Variants in C5 observed in about 807,000 individuals in gnomAD.
C5 encodes complement C5, also known as C3 and PZP-like alpha-2-macroglobulin domain-containing protein 4.
In C5, 140 loss-of-function variants were observed where a neutral mutation model predicts 218.8. The ratio of observed to expected loss-of-function variants is 0.64; its 90% CI spans 0.56 to 0.74. C5 has a LOEUF of 0.74. C5 is among the 30% of genes least tolerant of loss of function. The probability of loss-of-function intolerance (pLI) is 0.00; values close to 1 mark genes in which losing one functional copy is unlikely to be tolerated. For missense variants in C5, 1,700 were observed against 1,969.6 expected (o/e 0.86, Z 2.59); for synonymous variants, 614 against 682.3 (o/e 0.90, Z 1.56).
chr9:120,972,063 A>C (rs2046918916), intron 30 of C5, 71 bp from the exon 31 acceptor site: 1 of 1,317,280 alleles, frequency 7.6e-7, no homozygotes, highest in African/African-American at 1.4e-5. Flanking sequence ...TAGAGCTATG[A>C]AAAGTGGGTT....
At chr9:121,000,413 A>T (rs2047151714) in intron 20 of C5, among the ~76,000 whole-genome samples, 2 of 152,230 alleles carry the variant, frequency 1.3e-5, no homozygotes, top group Non-Finnish European at 2.9e-5. Flanking sequence ...CAATATAACC[A>T]CAAATCTATG....
chr9:121,027,991 T>C (rs1400252903), intron 7 of C5, among the ~76,000 whole-genome samples: 1 of 151,906 alleles, frequency 6.6e-6, no homozygotes, highest in African/African-American at 2.4e-5. Flanking sequence ...TTAAACAAAT[T>C]TACAAGAAAA....
At chr9:121,034,554 G>A (rs946494475) in intron 5 of C5, among the ~76,000 whole-genome samples, 6 of 151,908 alleles carry the variant, frequency 3.9e-5, no homozygotes, top group Admixed American at 1.3e-4. Flanking sequence ...TGTTTTTTAT[G>A]ACAAAAAAAC....
rs970689349 is a variant in C5, at chr9:120,963,960, C to T, written c.4221-222G>A. 4.0e-4 allele frequency among the ~76,000 whole-genome samples: 61 copies of T among 152,182 alleles called. 2 individuals carry two copies. The highest frequency in any genetic ancestry group is 4.0e-3 in the Admixed American group (61 of 15,278). The stretch of plus-strand genomic sequence containing the variant: ...TCAATAATCTCAACAGACCACTCTA[C>T]TGGAACACAGAAGTCATCCACACCA... On this transcript the variant is annotated intron_variant, in intron 33 of 40. Transcript: ENST00000223642.
the C5 span, among the ~76,000 whole-genome samples, chr9:121,061,857 G>C: frequency 2.0e-5 from 3 of 152,242 alleles, no homozygotes; most frequent in East Asian, 3.9e-4. Flanking sequence ...TTTACTTTTT[G>C]ATATGTGTAT....
chr9:121,065,453 A>C, the C5 span, among the ~76,000 whole-genome samples: 24 of 151,456 alleles, frequency 1.6e-4, no homozygotes, highest in Admixed American at 4.6e-4. Flanking sequence ...TCTATACAGC[A>C]TTACTTTTTT....
At chr9:120,990,714 C>A (rs527606728) in intron 23 of C5, among the ~76,000 whole-genome samples, 41 of 152,282 alleles carry the variant, frequency 2.7e-4, no homozygotes, top group Middle Eastern at 3.4e-3. Context: ...GCCTCCAGAA[C>A]TGTGAGAAAT....
At chr9:120,991,623 A>T (rs1424827716) in intron 22 of C5, among the ~76,000 whole-genome samples, 1 of 152,222 alleles carries the variant, frequency 6.6e-6, no homozygotes, top group Non-Finnish European at 1.5e-5. Flanking sequence ...AATAACTAAC[A>T]TGTAATTTCT....
intron 25 of C5, among the ~76,000 whole-genome samples, chr9:120,984,544 C>T (rs2047018744): frequency 6.6e-6 from 1 of 151,992 alleles, no homozygotes; most frequent in Non-Finnish European, 1.5e-5. Flanking sequence ...CTCCACTTAT[C>T]TATACATCTG....
At chr9:120,987,775 A>G (rs2047044648) in intron 25 of C5, among the ~76,000 whole-genome samples, 1 of 151,960 alleles carries the variant, frequency 6.6e-6, no homozygotes, top group Admixed American at 6.6e-5. Context: ...TTGTCATAGC[A>G]TGATGGTTTT....
At chr9:121,061,792 C>A in the C5 span, among the ~76,000 whole-genome samples, 1 of 152,146 alleles carries the variant, frequency 6.6e-6, no homozygotes, top group Non-Finnish European at 1.5e-5. Context: ...TATATATATT[C>A]CATTCTTCCC....
At chr9:120,983,375 T>A (rs2047009679) in intron 25 of C5, among the ~76,000 whole-genome samples, 1 of 152,086 alleles carries the variant, frequency 6.6e-6, no homozygotes, top group South Asian at 2.1e-4. Flanking sequence ...CTAATACCCA[T>A]CGAAGAGTAT....
chr9:121,031,883 G>A (rs1322961323), intron 6 of C5, among the ~76,000 whole-genome samples: 2 of 152,056 alleles, frequency 1.3e-5, no homozygotes, highest in East Asian at 3.9e-4. Flanking sequence ...GGCCAAGATG[G>A]TGACACCCTG....
intron 7 of C5, among the ~76,000 whole-genome samples, chr9:121,029,816 T>C (rs1248067023): frequency 6.6e-6 from 1 of 152,208 alleles, no homozygotes; most frequent in African/African-American, 2.4e-5. Context: ...TTGCTGCTGC[T>C]ACAAGCTAGC....
At position 120,983,876 on chromosome 9, in the gene C5, C is replaced by T. The variant is rs538718171; in HGVS notation, c.3231-1062G>A. On this transcript the variant is annotated intron_variant, in intron 25 of 40. Transcript: ENST00000223642. ...TCTAGCAGTCCCTGTCCCCCTCCACCTCCCAACAGAAGATGACCATTGTTT... is the reference window on the plus strand; with the variant it reads ...TCTAGCAGTCCCTGTCCCCCTCCACTTCCCAACAGAAGATGACCATTGTTT... Among the ~76,000 whole-genome samples, 214 of 152,176 alleles carry T rather than the reference C, an allele frequency of 1.4e-3. 1 individual carries two copies. The highest frequency in any genetic ancestry group is 0.014 in the Middle Eastern group (4 of 294).
chr9:121,036,543 T>C (rs1363868168), intron 4 of C5, among the ~76,000 whole-genome samples: 1 of 152,252 alleles, frequency 6.6e-6, no homozygotes, highest in Non-Finnish European at 1.5e-5. Context: ...TCAGACATTC[T>C]ATCAGTCAAT....
chr9:120,982,776 T>C lies in C5; in HGVS notation c.3269A>G (p.Asn1090Ser), dbSNP rs1301275597. The C allele has an allele frequency of 2.5e-6, 4 of 1,599,590 alleles. No homozygotes were observed. Among genetic ancestry groups the C allele is most frequent in the Non-Finnish European group, 3.4e-6 (4 of 1,167,820 alleles). Residue 1090 changes from asparagine (N) to serine (S), a missense_variant, in exon 26 of 41, where the codon AAT (asparagine) becomes AGT (serine). Physicochemically the swap from Asn to Ser is conservative, Grantham distance 46 (BLOSUM62 1). Transcript: ENST00000223642. ...AFALRVLGQV[N>S]KYVEQNQNSI... ...ATTTTGGTTCTGCTCTACGTATTTA[T>C]TTACTTGTCCAAGTACTCTTAAAGC...
chr9:121,019,218 T>C (rs963511052), intron 12 of C5, among the ~76,000 whole-genome samples: 12 of 152,150 alleles, frequency 7.9e-5, no homozygotes, highest in Non-Finnish European at 1.8e-4. Flanking sequence ...ACTGCATACA[T>C]GGATTTGGTA....
chr9:120,980,599 C>CT lies in C5; in HGVS notation c.3487-346dup, dbSNP rs1554720233. On this transcript the variant is annotated intron_variant, in intron 27 of 40. Coordinates refer to ENST00000223642, the MANE Select transcript of C5 (RefSeq NM_001735.3). ...GCATAGACACAATTTCTTTTTTTTT[C>CT]TTTTTTTTTGAGACGGAGTCTCGCT... Among the ~76,000 whole-genome samples, 80 of 151,016 alleles carry CT rather than the reference C, an allele frequency of 5.3e-4. 1 individual carries two copies. Among genetic ancestry groups the CT allele is most frequent in the African/African-American group, 1.5e-3 (63 of 41,216 alleles).
Sources: allele counts gnomAD v4.1 joint callset (sites outside exome capture counted in the v4.1 genomes callset), GRCh38; gene constraint gnomAD v4.1.1; transcripts MANE v1.5; gene names NCBI Gene and HGNC (gene_info 2026-07-23, HGNC 2026-07-21).